IGF1R: variants seen among roughly 807,000 people sequenced by gnomAD.
IGF1R encodes the protein insulin like growth factor 1 receptor, also known as insulin-like growth factor 1 receptor.
IGF1R carries 44 observed loss-of-function variants against 144.6 expected under a neutral mutation model. That is an observed-to-expected ratio of 0.30 (90% CI 0.24 to 0.39). The LOEUF (loss-of-function observed/expected upper bound fraction) is 0.39, where lower values mean the gene tolerates loss of function less well. IGF1R is among the 10% of genes least tolerant of loss of function. IGF1R has a pLI of 1.00. For synonymous variants in IGF1R, 795 were observed against 722.8 expected (o/e 1.10, Z -1.60); for missense variants, 1,355 against 1,833.7 (o/e 0.74, Z 4.77).
chr15:98,910,149 C>T (rs1242398902), intron 6 of IGF1R, among the ~76,000 whole-genome samples: 1 of 152,166 alleles, frequency 6.6e-6, no homozygotes, highest in Non-Finnish European at 1.5e-5. Context: ...GGGAAGCACG[C>T]TGACTGACCT....
chr15:98,679,840 G>A (rs1260599979), intron 1 of IGF1R, among the ~76,000 whole-genome samples: 5 of 152,136 alleles, frequency 3.3e-5, no homozygotes, highest in African/African-American at 9.7e-5. Flanking sequence ...CTTCCAGTGG[G>A]ACAGGATATG....
In IGF1R at chr15:98,939,285, G is replaced by A. The variant is rs777966016; in HGVS notation, c.3382G>A (p.Ala1128Thr). 2 of 1,614,010 alleles carry A rather than the reference G, an allele frequency of 1.2e-6. No individual in the cohort carries two copies. The highest frequency in any genetic ancestry group is 1.1e-5 in the South Asian group (1 of 91,060). ...TGCAGACGGCATGGCATACCTCAAC[G>A]CCAATAAGTTCGTCCACAGAGACCT... ...EIADGMAYLN[A>T]NKFVHRDLAA... The change falls in exon 18 of 21, where the codon GCC (alanine) becomes ACC (threonine). Residue 1128 changes from alanine (A) to threonine (T), a missense_variant. Ala to Thr is a moderately conservative substitution (Grantham distance 58). Transcript: ENST00000650285.
chr15:98,940,004 A>G (rs956291076), intron 18 of IGF1R, among the ~76,000 whole-genome samples: 1 of 152,086 alleles, frequency 6.6e-6, no homozygotes, highest in Admixed American at 6.5e-5. Flanking sequence ...GCCACCACCC[A>G]CTGTCACACC....
intron 2 of IGF1R, among the ~76,000 whole-genome samples, chr15:98,779,819 G>A (rs907800): frequency 6.6e-6 from 1 of 152,040 alleles, no homozygotes; most frequent in Non-Finnish European, 1.5e-5. Flanking sequence ...TGTGGAGATA[G>A]CCTGTTGGCA....
intron 2 of IGF1R, among the ~76,000 whole-genome samples, chr15:98,747,341 C>T (rs1481149399): frequency 6.6e-6 from 1 of 152,078 alleles, no homozygotes; most frequent in African/African-American, 2.4e-5. Flanking sequence ...GAATTACAGG[C>T]ACCCACCGCC....
At chr15:98,933,156 A>C (rs1042548609) in intron 15 of IGF1R, among the ~76,000 whole-genome samples, 1 of 152,242 alleles carries the variant, frequency 6.6e-6, no homozygotes, top group African/African-American at 2.4e-5. Flanking sequence ...ATTAGCACAC[A>C]GCGTCAGAGG....
chr15:98,710,697 G>A (rs13379678), intron 2 of IGF1R, among the ~76,000 whole-genome samples: 4 of 139,344 alleles, frequency 2.9e-5, no homozygotes, highest in Admixed American at 7.8e-5. Context: ...GCGGAGTTTC[G>A]CTCTCATCAC....
At chr15:98,703,389 T>C (rs1167343124) in intron 1 of IGF1R, among the ~76,000 whole-genome samples, 6 of 152,224 alleles carry the variant, frequency 3.9e-5, no homozygotes, top group Non-Finnish European at 8.8e-5. Context: ...TTCTTCTCTT[T>C]CCTGTTTGTG....
In IGF1R at chr15:98,959,037, A is replaced by C. The variant is rs764644785; in HGVS notation, c.*1595A>C. On this transcript the variant is annotated 3_prime_UTR_variant, in exon 21 of 21. Transcript: ENST00000650285. ...GCGCTCCTCTCCCCAGCCTGCCCTCACAGCATTGGAGCCTGTTACAGTGCA... is the reference window on the plus strand; with the variant it reads ...GCGCTCCTCTCCCCAGCCTGCCCTCCCAGCATTGGAGCCTGTTACAGTGCA... 1 of 233,208 alleles carries C rather than the reference A, an allele frequency of 4.3e-6. No individual in the cohort carries two copies. Among genetic ancestry groups the C allele is most frequent in the Non-Finnish European group, 8.5e-6 (1 of 118,052 alleles). 14.4% of individuals were successfully genotyped at this position (233,208 alleles called of 1,614,324 possible).
chr15:98,902,003 T>C (rs1442489812), intron 5 of IGF1R, among the ~76,000 whole-genome samples: 1 of 152,198 alleles, frequency 6.6e-6, no homozygotes, highest in Non-Finnish European at 1.5e-5. Flanking sequence ...GGCTTTTGAA[T>C]AGAGGAGTGT....
chr15:98,959,917 C>T lies in IGF1R; in HGVS notation c.*2475C>T, dbSNP rs1027031408. ...TTTAATTTATTTTGTGATAAATTACCAGTTTCAATCACTGTAGAAAAGCCC... is the reference window on the plus strand; with the variant it reads ...TTTAATTTATTTTGTGATAAATTACTAGTTTCAATCACTGTAGAAAAGCCC... On this transcript the variant is annotated 3_prime_UTR_variant, in exon 21 of 21. Coordinates refer to ENST00000650285, the MANE Select transcript of IGF1R (RefSeq NM_000875.5). 2 of 231,760 alleles carry T rather than the reference C, an allele frequency of 8.6e-6. No homozygotes were observed. Among genetic ancestry groups the T allele is most frequent in the African/African-American group, 4.5e-5 (2 of 44,872 alleles). 14.4% of individuals were successfully genotyped at this position (231,760 alleles called of 1,614,324 possible).
rs199652097 is a variant in IGF1R at position 98,649,597 on chromosome 15, G to A, written c.16G>A (p.Gly6Arg). The change falls in exon 1 of 21, where the codon GGA (glycine) becomes AGA (arginine). Residue 6 changes from glycine to arginine, a missense_variant. This residue lies in a region of IGF1R where 49 missense variants were observed against 34.7 expected (regional missense o/e 1.41). Coordinates refer to ENST00000650285, the MANE Select transcript of IGF1R (RefSeq NM_000875.5). ...AATAAAAGGAATGAAGTCTGGCTCC[G>A]GAGGAGGGTCCCCGACCTCGCTGTG... Reference protein sequence around the residue: MKSGSGGGSPTSLWGL... With the variant: MKSGSRGGSPTSLWGL... 3.3e-4 allele frequency: 531 copies of A among 1,600,800 alleles called. 9 individuals carry two copies. The Middle Eastern group carries it at 5.0e-3, about 15-fold the overall frequency.
intron 2 of IGF1R, among the ~76,000 whole-genome samples, chr15:98,801,352 C>T (rs765446916): frequency 6.6e-6 from 1 of 152,164 alleles, no homozygotes; most frequent in Non-Finnish European, 1.5e-5. Context: ...AATGCTGGTC[C>T]CCCTCCCTGC....
At chr15:98,765,308 CTTTTTTTTTTTTT>C (rs139280569) in intron 2 of IGF1R, among the ~76,000 whole-genome samples, 1 of 61,814 alleles carries the variant, frequency 1.6e-5, no homozygotes, top group Admixed American at 2.4e-4. Context: ...ATGCCAACAC[CTTTTTTTTTTTTT>C]TTTTTTTTTT....
chr15:98,815,823 G>A (rs925779390), intron 2 of IGF1R, among the ~76,000 whole-genome samples: 1 of 152,182 alleles, frequency 6.6e-6, no homozygotes, highest in Non-Finnish European at 1.5e-5. Flanking sequence ...CTGTTCTGTA[G>A]TTGCCTTCCA....
At chr15:98,684,372 GT>G (rs764966933) in intron 1 of IGF1R, among the ~76,000 whole-genome samples, 4 of 101,440 alleles carry the variant, frequency 3.9e-5, no homozygotes, top group South Asian at 6.6e-4. Context: ...GCTCTGTGGG[GT>G]TTTTTTTGTT....
At chr15:98,787,424 G>A (rs1323695862) in intron 2 of IGF1R, among the ~76,000 whole-genome samples, 1 of 152,198 alleles carries the variant, frequency 6.6e-6, no homozygotes, top group Admixed American at 6.5e-5. Flanking sequence ...AAATCCTGAA[G>A]GCGTTGGAGC....
intron 2 of IGF1R, among the ~76,000 whole-genome samples, chr15:98,744,178 C>T (rs771594656): frequency 4.0e-5 from 6 of 151,864 alleles, no homozygotes; most frequent in East Asian, 1.9e-4. Flanking sequence ...CTTAAAGGGA[C>T]GTCAGCGTTC....
rs2017250491 is a variant in IGF1R at position 98,962,125 on chromosome 15, G to A, written c.*4683G>A. 8.6e-6 allele frequency: 2 copies of A among 233,194 alleles called. No homozygotes were observed. Among genetic ancestry groups the A allele is most frequent in the Non-Finnish European group, 1.7e-5 (2 of 118,074 alleles). The allele number at this position is 233,194 out of a possible 1,614,324, so 14.4% of individuals were successfully genotyped here. A position where few individuals can be genotyped will look rare whatever the true frequency, so the allele number is the denominator to read the frequency against. On this transcript the variant is annotated 3_prime_UTR_variant, in exon 21 of 21. Transcript: ENST00000650285. Reference sequence around the variant, plus strand: ...AGTGGCTCTGTGGCAAGATCACACTGAGATCGATGGGTGAGAAGGCTAGGA... The same window carrying A: ...AGTGGCTCTGTGGCAAGATCACACTAAGATCGATGGGTGAGAAGGCTAGGA...
Sources: allele counts gnomAD v4.1 joint callset (sites outside exome capture counted in the v4.1 genomes callset), GRCh38; gene constraint gnomAD v4.1.1; regional missense constraint gnomAD v4.1.1; transcripts MANE v1.5; gene names NCBI Gene and HGNC (gene_info 2026-07-23, HGNC 2026-07-21).